Variants in DSCAM observed in about 807,000 individuals in gnomAD.
DSCAM encodes DS cell adhesion molecule.
A neutral mutation model predicts 217.7 loss-of-function variants in DSCAM; 47 were observed. The observed-to-expected ratio is 0.22, with a 90% CI of 0.17 to 0.28. DSCAM has a LOEUF of 0.28. Among genes scored for constraint, DSCAM ranks in the 10% least tolerant of loss-of-function variants. The pLI, the probability that DSCAM is intolerant of heterozygous loss-of-function variation, is 1.00. For missense variants in DSCAM, 2,080 were observed against 2,618.3 expected, an observed-to-expected ratio of 0.79 and a Z score of 4.49; for synonymous variants, 1,056 against 1,015.3, an observed-to-expected ratio of 1.04 and a Z score of -0.76.
At chr21:40,035,754 C>G (rs2088608651) in intron 32 of DSCAM, among the ~76,000 whole-genome samples, 1 of 150,010 alleles carries the variant, frequency 6.7e-6, no homozygotes, top group African/African-American at 2.5e-5. Context: ...AAATTGACCA[C>G]ATACTTGGAA....
intron 32 of DSCAM, among the ~76,000 whole-genome samples, chr21:40,030,352 G>A (rs534027850): frequency 3.9e-5 from 6 of 152,260 alleles, no homozygotes; most frequent in East Asian, 1.9e-4. Flanking sequence ...TATCGTTCCC[G>A]ACTGTGGTGA....
chr21:40,197,187 T>C (rs1409349619), intron 11 of DSCAM, among the ~76,000 whole-genome samples: 8 of 152,132 alleles, frequency 5.3e-5, no homozygotes, highest in Admixed American at 3.3e-4. Context: ...GTCGCAATCT[T>C]GGCTCACTGC....
chr21:40,750,062 C>T (rs1349727231), intron 1 of DSCAM, among the ~76,000 whole-genome samples: 2 of 151,768 alleles, frequency 1.3e-5, no homozygotes, highest in Non-Finnish European at 2.9e-5. Flanking sequence ...TGAGTAGCTG[C>T]GATTACAGGT....
chr21:40,669,671 C>T (rs997323741), intron 3 of DSCAM, among the ~76,000 whole-genome samples: 6 of 151,378 alleles, frequency 4.0e-5, no homozygotes, highest in Non-Finnish European at 5.9e-5. Context: ...CTCCATCTCC[C>T]GGGCTCAAGC....
At chr21:40,077,197 C>T (rs112558149) in intron 26 of DSCAM, among the ~76,000 whole-genome samples, 3 of 152,244 alleles carry the variant, frequency 2.0e-5, no homozygotes, top group African/African-American at 7.2e-5. Flanking sequence ...CCAGGGACCC[C>T]GGCTAGCGTA....
intron 3 of DSCAM, among the ~76,000 whole-genome samples, chr21:40,643,752 C>CAG (rs939390666): frequency 6.6e-6 from 1 of 151,996 alleles, no homozygotes; most frequent in Non-Finnish European, 1.5e-5. Flanking sequence ...TGGCCACACA[C>CAG]AGAGATACCA....
At chr21:40,413,558 CTT>C (rs1221745254) in intron 3 of DSCAM, among the ~76,000 whole-genome samples, 2 of 152,176 alleles carry the variant, frequency 1.3e-5, no homozygotes, top group African/African-American at 4.8e-5. Flanking sequence ...TCCTATTTCT[CTT>C]GATTCAATGC....
intron 3 of DSCAM, among the ~76,000 whole-genome samples, chr21:40,507,110 C>G (rs2076216235): frequency 6.6e-6 from 1 of 152,040 alleles, no homozygotes; most frequent in Admixed American, 6.5e-5. Flanking sequence ...AAACCCATCT[C>G]TACTAAAAAT....
In DSCAM at chr21:40,353,568, C is replaced by T. The variant is rs199874466; in HGVS notation, c.831G>A (p.Gly277=). The T allele has an allele frequency of 3.7e-6, 6 of 1,610,466 alleles. No individual in the cohort carries two copies. Among genetic ancestry groups the T allele is most frequent in the East Asian group, 2.2e-5 (1 of 44,834 alleles). ...AGGGGCGAATGTTCTCAATGAGCAG[C>T]CCCGTCACGGTCTTCTGGAACCTCC... ...LSGRFQKTVT[G]LLIENIRPSD... The change falls in exon 5 of 33, where the codon GGG becomes GGA. Residue 277 remains glycine (G), a synonymous_variant. Transcript: ENST00000400454.
In DSCAM at chr21:40,522,156, G is replaced by A. The variant is rs116932188; in HGVS notation, c.509-152911C>T. Among the ~76,000 whole-genome samples the A allele has an allele frequency of 8.2e-3, 1,245 of 152,262 alleles. 10 individuals are homozygous for A. Among genetic ancestry groups the A allele is most frequent in the South Asian group, 0.02 (97 of 4,830 alleles). On this transcript the variant is annotated intron_variant, in intron 3 of 32. Coordinates refer to ENST00000400454, the MANE Select transcript of DSCAM (RefSeq NM_001389.5). ...TATGTGTTTCCCATTGGCATGTGCCGTATTAAGGAGTGAGATAGAAATCTT... is the reference window on the plus strand; with the variant it reads ...TATGTGTTTCCCATTGGCATGTGCCATATTAAGGAGTGAGATAGAAATCTT...
chr21:40,104,625 C>T (rs1469062463), intron 20 of DSCAM, among the ~76,000 whole-genome samples: 1 of 152,126 alleles, frequency 6.6e-6, no homozygotes, highest in Non-Finnish European at 1.5e-5. Context: ...AATGGTGGAT[C>T]CATGTCATCA....
intron 29 of DSCAM, among the ~76,000 whole-genome samples, chr21:40,052,789 C>T (rs1041787858): frequency 2.6e-5 from 4 of 152,172 alleles, no homozygotes; most frequent in Non-Finnish European, 5.9e-5. Context: ...GTCCTACTGC[C>T]GTGGGCACTT....
intron 3 of DSCAM, among the ~76,000 whole-genome samples, chr21:40,533,782 CCT>C (rs1601722688): frequency 6.8e-6 from 1 of 146,232 alleles, no homozygotes; most frequent in African/African-American, 2.5e-5. Flanking sequence ...TCCATCTAAC[CCT>C]CTGTTTTTCT....
intron 3 of DSCAM, among the ~76,000 whole-genome samples, chr21:40,502,320 C>T (rs572723675): frequency 3.3e-5 from 5 of 152,078 alleles, no homozygotes; most frequent in African/African-American, 7.2e-5. Context: ...TCAAGAAGAA[C>T]ATATCATACA....
intron 1 of DSCAM, among the ~76,000 whole-genome samples, chr21:40,712,168 C>T (rs925470423): frequency 1.3e-5 from 2 of 152,116 alleles, no homozygotes; most frequent in South Asian, 2.1e-4. Context: ...AAGGCAATGA[C>T]ACAACTAAGA....
intron 9 of DSCAM, among the ~76,000 whole-genome samples, chr21:40,310,206 G>GA (rs2074122838): frequency 6.6e-6 from 1 of 152,012 alleles, no homozygotes; most frequent in Admixed American, 6.5e-5. Flanking sequence ...TGATTTTTGG[G>GA]AAAAAAGAAC....
chr21:40,056,256 T>C (rs542449070), intron 28 of DSCAM, among the ~76,000 whole-genome samples: 1 of 152,244 alleles, frequency 6.6e-6, no homozygotes, highest in Non-Finnish European at 1.5e-5. Flanking sequence ...AAAAAGCACG[T>C]GCACCAGCTG....
chr21:40,353,332 G>T, intron 5 of DSCAM, 133 bp downstream of exon 5: 1 of 1,198,602 alleles, frequency 8.3e-7, no homozygotes. Flanking sequence ...TGTAAAATGA[G>T]GTTTCTGTTG....
At chr21:40,657,047 T>C (rs867996675) in intron 3 of DSCAM, among the ~76,000 whole-genome samples, 1 of 152,236 alleles carries the variant, frequency 6.6e-6, no homozygotes, top group Non-Finnish European at 1.5e-5. Flanking sequence ...AATAAAGATT[T>C]TTAAACTTGT....
Sources: gnomAD v4.1 joint callset for allele counts (sites outside exome capture counted in the v4.1 genomes callset) on GRCh38, gnomAD v4.1.1 for gene constraint, MANE v1.5 for transcripts, NCBI Gene and HGNC (gene_info 2026-07-23, HGNC 2026-07-21) for gene names.